KCNIP4: variants seen among roughly 807,000 people sequenced by gnomAD.
KCNIP4 encodes potassium voltage-gated channel interacting protein 4.
Under a neutral mutation model 34.0 loss-of-function variants are expected in KCNIP4, and 12 were observed. The observed-to-expected ratio is 0.35, with a 90% CI of 0.23 to 0.57. The LOEUF is 0.57. Among genes scored for constraint, KCNIP4 ranks in the 20% least tolerant of loss-of-function variants. The pLI is 0.83. For synonymous variants in KCNIP4, 124 were observed against 102.2 expected (o/e 1.21, Z -1.29); for missense variants, 238 against 311.7 (o/e 0.76, Z 1.78).
chr4:21,605,077 A>T (rs1169608393), intron 1 of KCNIP4, among the ~76,000 whole-genome samples: 2 of 152,194 alleles, frequency 1.3e-5, no homozygotes, highest in Non-Finnish European at 2.9e-5. Context: ...CGGGCTGGTC[A>T]CTAAAATGCA....
At chr4:21,494,244 G>C (rs1732655862) in intron 1 of KCNIP4, among the ~76,000 whole-genome samples, 1 of 152,110 alleles carries the variant, frequency 6.6e-6, no homozygotes. Flanking sequence ...ATCAGCATGA[G>C]TGTTAGTGTT....
chr4:20,931,829 T>C (rs936128233), intron 1 of KCNIP4, among the ~76,000 whole-genome samples: 4 of 151,938 alleles, frequency 2.6e-5, no homozygotes, highest in African/African-American at 4.8e-5. Context: ...GTAGCAGATA[T>C]ATAGGATGAA....
intron 1 of KCNIP4, among the ~76,000 whole-genome samples, chr4:21,615,941 C>T (rs1161922738): frequency 6.6e-6 from 1 of 152,202 alleles, no homozygotes; most frequent in Non-Finnish European, 1.5e-5. Context: ...AATTTGTCCT[C>T]TGGTTTCTAT....
At chr4:21,190,191 C>T (rs1172072076) in intron 1 of KCNIP4, among the ~76,000 whole-genome samples, 1 of 152,130 alleles carries the variant, frequency 6.6e-6, no homozygotes, top group Non-Finnish European at 1.5e-5. Flanking sequence ...GTTGTTGCTT[C>T]CTTTGCTAAG....
At chr4:21,862,654 T>G (rs73256598) in intron 1 of KCNIP4, among the ~76,000 whole-genome samples, 48,342 of 152,104 alleles carry the variant, frequency 0.32, 9,656 homozygotes, top group Non-Finnish European at 0.46. Context: ...AGGTGTTCAA[T>G]AAATATTTGT....
At chr4:20,806,925 A>G (rs994385164) in intron 3 of KCNIP4, among the ~76,000 whole-genome samples, 1 of 152,170 alleles carries the variant, frequency 6.6e-6, no homozygotes, top group African/African-American at 2.4e-5. Flanking sequence ...TGACAGAGCC[A>G]ATTGATATCC....
intron 5 of KCNIP4, among the ~76,000 whole-genome samples, chr4:20,739,845 A>G (rs2149297213): frequency 6.6e-6 from 1 of 152,324 alleles, no homozygotes; most frequent in South Asian, 2.1e-4. Flanking sequence ...AAAAACCTTG[A>G]GAAAAGATTA....
intron 1 of KCNIP4, among the ~76,000 whole-genome samples, chr4:21,373,993 C>T (rs1720732893): frequency 1.4e-5 from 2 of 147,262 alleles, no homozygotes; most frequent in South Asian, 4.2e-4. Context: ...GTGTGAGCCA[C>T]CACACCCAGC....
At chr4:21,697,751 G>A (rs1000158000) in intron 1 of KCNIP4, 78 of 954,446 alleles carry the variant, frequency 8.2e-5, no homozygotes, top group Admixed American at 1.6e-4. Context: ...GGTTCGGCTC[G>A]GCATCCCCTC....
chr4:21,621,611 G>A (rs573390033), intron 1 of KCNIP4, among the ~76,000 whole-genome samples: 2 of 152,106 alleles, frequency 1.3e-5, no homozygotes, highest in South Asian at 4.2e-4. Context: ...TCCCACCTTA[G>A]CCTCCCAAAG....
chr4:21,428,032 G>A (rs1179158422), intron 1 of KCNIP4, among the ~76,000 whole-genome samples: 2 of 152,134 alleles, frequency 1.3e-5, no homozygotes, highest in Non-Finnish European at 2.9e-5. Context: ...GTAAAGGAGA[G>A]AGTATTTTTT....
chr4:21,634,295 C>A (rs191845479), intron 1 of KCNIP4, among the ~76,000 whole-genome samples: 10 of 150,620 alleles, frequency 6.6e-5, no homozygotes, highest in Admixed American at 2.6e-4. Flanking sequence ...TTCCTAAAAC[C>A]CCTGAATCTC....
intron 3 of KCNIP4, among the ~76,000 whole-genome samples, chr4:20,837,607 T>C (rs2149466403): frequency 6.8e-6 from 1 of 147,240 alleles, no homozygotes; most frequent in African/African-American, 2.6e-5. Context: ...GAAAAATTAT[T>C]TATTGAGTTC....
chr4:21,681,387 A>G (rs1560622851), intron 1 of KCNIP4, among the ~76,000 whole-genome samples: 1 of 152,094 alleles, frequency 6.6e-6, no homozygotes, highest in African/African-American at 2.4e-5. Context: ...GATTACAGGC[A>G]TGAGCCACCG....
intron 1 of KCNIP4, among the ~76,000 whole-genome samples, chr4:21,833,635 C>T (rs1723137176): frequency 6.6e-6 from 1 of 152,040 alleles, no homozygotes; most frequent in Non-Finnish European, 1.5e-5. Context: ...GTTGCCATTG[C>T]TTTTGGTGTT....
At chr4:21,777,063 G>A (rs112270259) in intron 1 of KCNIP4, among the ~76,000 whole-genome samples, 8,598 of 152,114 alleles carry the variant, frequency 0.057, 800 homozygotes, top group African/African-American at 0.19. Context: ...ATGAGCTACC[G>A]CACCCGGCCA....
At chr4:20,784,504 T>C (rs1251132526) in intron 3 of KCNIP4, among the ~76,000 whole-genome samples, 1 of 152,214 alleles carries the variant, frequency 6.6e-6, no homozygotes, top group African/African-American at 2.4e-5. Context: ...AAATTTAGGA[T>C]GACTTATTTA....
At chr4:21,126,509 G>A (rs1214114793) in intron 1 of KCNIP4, among the ~76,000 whole-genome samples, 1 of 150,080 alleles carries the variant, frequency 6.7e-6, no homozygotes, top group South Asian at 2.1e-4. Flanking sequence ...TCAGATTTGA[G>A]CCATTGTGTA....
chr4:21,747,897 G>A (rs1275573648), intron 1 of KCNIP4, among the ~76,000 whole-genome samples: 2 of 152,018 alleles, frequency 1.3e-5, no homozygotes, highest in South Asian at 2.1e-4. Context: ...TTTACAAGAC[G>A]CAAAAAAGGA....
Sources: gnomAD v4.1 joint callset for allele counts (sites outside exome capture counted in the v4.1 genomes callset) on GRCh38, gnomAD v4.1.1 for gene constraint, MANE v1.5 for transcripts, NCBI Gene and HGNC (gene_info 2026-07-23, HGNC 2026-07-21) for gene names.